The following KCNT2 variants were observed in gnomAD, a reference collection of about 807,000 sequenced individuals.
KCNT2 encodes potassium channel subfamily T member 2.
A neutral mutation model predicts 153.8 loss-of-function variants in KCNT2; 67 were observed. The ratio of observed to expected loss-of-function variants is 0.44; its 90% CI spans 0.36 to 0.53. The LOEUF is 0.53. KCNT2 is among the 20% of genes least tolerant of loss of function. The pLI is 0.00. For missense variants in KCNT2, 975 were observed against 1,354.8 expected, an observed-to-expected ratio of 0.72 and a Z score of 4.40; for synonymous variants, 500 against 458.8, an observed-to-expected ratio of 1.09 and a Z score of -1.15.
At chr1:196,549,251 T>C (rs569343804) in intron 1 of KCNT2, among the ~76,000 whole-genome samples, 1 of 152,036 alleles carries the variant, frequency 6.6e-6, no homozygotes, top group Non-Finnish European at 1.5e-5. Flanking sequence ...TGACCCTGTT[T>C]TGTTTGTTTG....
chr1:196,554,681 C>CA (rs770520464), intron 1 of KCNT2, among the ~76,000 whole-genome samples: 15 of 150,544 alleles, frequency 1.0e-4, no homozygotes, highest in Non-Finnish European at 2.1e-4. Flanking sequence ...CAAGAACCAA[C>CA]AAAAAAAGAA....
intron 1 of KCNT2, among the ~76,000 whole-genome samples, chr1:196,566,642 C>G (rs975126035): frequency 3.9e-5 from 6 of 151,984 alleles, no homozygotes; most frequent in Non-Finnish European, 8.8e-5. Context: ...GAAGTTTACC[C>G]ATAGTTTCAC....
intron 1 of KCNT2, among the ~76,000 whole-genome samples, chr1:196,530,862 G>T (rs1472289876): frequency 1.3e-5 from 2 of 151,986 alleles, no homozygotes; most frequent in African/African-American, 2.4e-5. Context: ...GCTCTCTGAT[G>T]ACATTAGCTC....
intron 18 of KCNT2, 99 bp downstream of exon 18, chr1:196,331,057 C>T (rs1262578902): frequency 1.4e-6 from 1 of 723,998 alleles, no homozygotes; most frequent in South Asian, 1.6e-5. Flanking sequence ...ACCCCTTAAA[C>T]ATATTGTAAT....
At chr1:196,549,155 A>T (rs977930828) in intron 1 of KCNT2, among the ~76,000 whole-genome samples, 5 of 150,256 alleles carry the variant, frequency 3.3e-5, no homozygotes, top group African/African-American at 7.5e-5. Context: ...AAAGTATGAT[A>T]AAAAAAAGAA....
intron 5 of KCNT2, among the ~76,000 whole-genome samples, chr1:196,477,972 T>A (rs2148693841): frequency 6.6e-6 from 1 of 152,364 alleles, no homozygotes; most frequent in Non-Finnish European, 1.5e-5. Flanking sequence ...CTTATTTATC[T>A]GTGTGTTCAC....
intron 13 of KCNT2, among the ~76,000 whole-genome samples, chr1:196,374,592 C>T (rs188391998): frequency 1.3e-5 from 2 of 151,566 alleles, no homozygotes; most frequent in African/African-American, 4.8e-5. Flanking sequence ...AATACATAAC[C>T]AGATTATTTA....
chr1:196,284,540 C>T (rs1480124995), intron 23 of KCNT2, among the ~76,000 whole-genome samples: 3 of 151,510 alleles, frequency 2.0e-5, no homozygotes, highest in African/African-American at 7.3e-5. Flanking sequence ...GCATTTGGCT[C>T]CTATTGATAT....
chr1:196,367,039 C>A (rs1272692207), intron 14 of KCNT2, among the ~76,000 whole-genome samples: 1 of 152,106 alleles, frequency 6.6e-6, no homozygotes, highest in Admixed American at 6.6e-5. Context: ...CATTTCCTTC[C>A]TGAATTTGCA....
chr1:196,451,434 G>GTTTTTTTT (rs1557952237), intron 8 of KCNT2, among the ~76,000 whole-genome samples: 11 of 103,822 alleles, frequency 1.1e-4, no homozygotes, highest in Admixed American at 1.1e-4. Context: ...TTTTTTTTTG[G>GTTTTTTTT]ATTTTAGTAG....
intron 8 of KCNT2, among the ~76,000 whole-genome samples, chr1:196,462,168 C>T (rs1179576950): frequency 1.3e-5 from 2 of 151,664 alleles, no homozygotes; most frequent in Non-Finnish European, 3.0e-5. Flanking sequence ...CTTTACAGAA[C>T]AGTTACTTCC....
At chr1:196,379,599 CT>C (rs1669300584) in intron 13 of KCNT2, among the ~76,000 whole-genome samples, 1 of 148,390 alleles carries the variant, frequency 6.7e-6, no homozygotes, top group African/African-American at 2.6e-5. Context: ...CTCTCTCTCT[CT>C]CTCTCTCTGT....
At chr1:196,458,389 T>C (rs1436531116) in intron 8 of KCNT2, among the ~76,000 whole-genome samples, 2 of 151,754 alleles carry the variant, frequency 1.3e-5, no homozygotes, top group African/African-American at 4.8e-5. Flanking sequence ...TACTGTGGAG[T>C]TTGCTTCTTT....
chr1:196,239,042 A>G lies in KCNT2; in HGVS notation c.3212-2972T>C, dbSNP rs188305076. 1.2e-3 allele frequency among the ~76,000 whole-genome samples: 188 copies of G among 152,006 alleles called. 2 individuals carry two copies. Among genetic ancestry groups the G allele is most frequent in the Non-Finnish European group, 1.3e-4 (9 of 67,906 alleles). On this transcript the variant is annotated intron_variant, in intron 26 of 27. Transcript: ENST00000294725. Reference sequence around the variant, plus strand: ...GATCTTCAAGATCCTATCAATTATCATTGACTATGGCAAAGATACAAATTA... The same window carrying G: ...GATCTTCAAGATCCTATCAATTATCGTTGACTATGGCAAAGATACAAATTA...
In KCNT2 at chr1:196,227,961, A is replaced by G. The variant is rs1173978856; in HGVS notation, c.*263T>C. 3.6e-6 allele frequency: 1 copy of G among 280,078 alleles called. No individual in the cohort carries two copies. Among genetic ancestry groups the G allele is most frequent in the Admixed American group, 5.1e-5 (1 of 19,642 alleles). 17.3% of individuals were successfully genotyped at this position (280,078 alleles called of 1,614,324 possible). On this transcript the variant is annotated 3_prime_UTR_variant, in exon 28 of 28. Transcript: ENST00000294725. ...TTCATAGAGTTTGGATTATTATAAA[A>G]CAATTAAATGTCAGATTTAAATTTT...
chr1:196,534,523 A>T (rs536706409), intron 1 of KCNT2, among the ~76,000 whole-genome samples: 1 of 152,310 alleles, frequency 6.6e-6, no homozygotes, highest in Admixed American at 6.5e-5. Flanking sequence ...ATGAAGAATA[A>T]GAAGAAAACA....
chr1:196,283,928 G>C (rs560127268), intron 23 of KCNT2, among the ~76,000 whole-genome samples: 1 of 151,808 alleles, frequency 6.6e-6, no homozygotes, highest in Admixed American at 6.6e-5. Context: ...TATGTTTACT[G>C]TGTCAAAATT....
intron 13 of KCNT2, among the ~76,000 whole-genome samples, chr1:196,383,383 C>G (rs554090354): frequency 6.6e-6 from 1 of 152,126 alleles, no homozygotes; most frequent in Non-Finnish European, 1.5e-5. Context: ...ATGGCAATGT[C>G]AAATCGCTAT....
intron 12 of KCNT2, among the ~76,000 whole-genome samples, chr1:196,402,147 TA>T (rs1671467504): frequency 6.6e-6 from 1 of 151,680 alleles, no homozygotes; most frequent in African/African-American, 2.4e-5. Flanking sequence ...TAAGGAAATG[TA>T]CTCCCATTGG....
Sources: gnomAD v4.1 joint callset for allele counts (sites outside exome capture counted in the v4.1 genomes callset) on GRCh38, gnomAD v4.1.1 for gene constraint, MANE v1.5 for transcripts, NCBI Gene and HGNC (gene_info 2026-07-23, HGNC 2026-07-21) for gene names.